SH3BGRL: variants seen among roughly 807,000 people sequenced by gnomAD.
SH3BGRL encodes adapter SH3BGRL.
A neutral mutation model predicts 9.8 loss-of-function variants in SH3BGRL; 7 were observed. The observed-to-expected ratio is 0.72, with a 90% CI of 0.41 to 1.35. The LOEUF (loss-of-function observed/expected upper bound fraction) is 1.35, where lower values mean the gene tolerates loss of function less well. Among genes scored for constraint, SH3BGRL ranks in the 40% most tolerant of loss-of-function variants. The probability of loss-of-function intolerance (pLI) is 0.01; values close to 1 mark genes in which losing one functional copy is unlikely to be tolerated. For missense variants in SH3BGRL, 73 were observed against 84.4 expected, an observed-to-expected ratio of 0.86 and a Z score of 0.53; for synonymous variants, 36 against 29.1, an observed-to-expected ratio of 1.24 and a Z score of -0.76.
intron 1 of SH3BGRL, among the ~76,000 whole-genome samples, chrX:81,275,002 C>G (rs1039088744): frequency 9.0e-6 from 1 of 110,968 alleles, no homozygotes; most frequent in African/African-American, 3.3e-5. Context: ...TCATTACTCT[C>G]CAACTGATGG....
At chrX:81,235,941 CCT>C (rs2075646590) in intron 1 of SH3BGRL, among the ~76,000 whole-genome samples, 1 of 111,729 alleles carries the variant, frequency 9.0e-6, no homozygotes, top group Admixed American at 9.5e-5. Context: ...AATTTCCTGA[CCT>C]CTCATCCACA....
chrX:81,261,074 C>T (rs2075739892), intron 1 of SH3BGRL, among the ~76,000 whole-genome samples: 2 of 111,109 alleles, frequency 1.8e-5, no homozygotes, highest in African/African-American at 6.5e-5. Context: ...AAAAGATTGT[C>T]GACCTTCTAT....
chrX:81,293,225 T>TC (rs2075863723), intron 3 of SH3BGRL, among the ~76,000 whole-genome samples: 1 of 111,944 alleles, frequency 8.9e-6, no homozygotes, highest in South Asian at 3.7e-4. Flanking sequence ...GCCTTTCTCC[T>TC]CCCCCATGAT....
At chrX:81,233,202 G>T (rs1309472886) in intron 1 of SH3BGRL, among the ~76,000 whole-genome samples, 2 of 111,853 alleles carry the variant, frequency 1.8e-5, no homozygotes, top group African/African-American at 3.2e-5. Flanking sequence ...ACTTTGAAAT[G>T]AATTTGTATT....
chrX:81,262,445 G>A (rs1323952147), intron 1 of SH3BGRL, among the ~76,000 whole-genome samples: 1 of 111,456 alleles, frequency 9.0e-6, no homozygotes, highest in Non-Finnish European at 1.9e-5. Flanking sequence ...CTTGACCTGA[G>A]GGACATTCTA....
intron 1 of SH3BGRL, among the ~76,000 whole-genome samples, chrX:81,251,015 C>A (rs1474967667): frequency 9.0e-6 from 1 of 111,655 alleles, no homozygotes; most frequent in East Asian, 2.8e-4. Context: ...TGTAAAAAAT[C>A]CTGCTGATTT....
intron 3 of SH3BGRL, among the ~76,000 whole-genome samples, chrX:81,290,592 G>A (rs1320899794): frequency 9.0e-6 from 1 of 110,826 alleles, no homozygotes; most frequent in African/African-American, 3.3e-5. Flanking sequence ...GGTAGTGGGT[G>A]ATTGAGAAGT....
chrX:81,256,649 T>G (rs764011231), intron 1 of SH3BGRL, among the ~76,000 whole-genome samples: 1 of 112,241 alleles, frequency 8.9e-6, no homozygotes, highest in Non-Finnish European at 1.9e-5. Context: ...GGAAAGTTAT[T>G]AGGCTTCATT....
chrX:81,264,342 C>T (rs1233700872), intron 1 of SH3BGRL, among the ~76,000 whole-genome samples: 1 of 111,209 alleles, frequency 9.0e-6, no homozygotes, highest in Non-Finnish European at 1.9e-5. Context: ...GATTTAAAGA[C>T]CATTAATAGC....
In SH3BGRL at chrX:81,297,626, CATT is replaced by C. The variant is rs1036451233; in HGVS notation, c.*401_*403del. 2.6e-5 allele frequency: 3 copies of C among 115,491 alleles called. No homozygotes were observed. The highest frequency in any genetic ancestry group is 9.7e-5 in the African/African-American group (3 of 30,899). 9.5% of individuals were successfully genotyped at this position (115,491 alleles called of 1,213,427 possible). A position where few individuals can be genotyped will look rare whatever the true frequency, so the allele number is the denominator to read the frequency against. The stretch of plus-strand genomic sequence containing the variant: ...CCTGTCTCTCATTCCTAAGTTGCCT[CATT>C]AATTTTCATGAACAAGAATATGTAC... On this transcript the variant is annotated 3_prime_UTR_variant, in exon 4 of 4. Coordinates refer to ENST00000373212, the MANE Select transcript of SH3BGRL (RefSeq NM_003022.3).
chrX:81,239,132 A>G (rs901932928), intron 1 of SH3BGRL, among the ~76,000 whole-genome samples: 4 of 112,265 alleles, frequency 3.6e-5, no homozygotes, highest in African/African-American at 1.3e-4. Context: ...AAGAACATCT[A>G]CTAGCATCAA....
chrX:81,295,898 T>C (rs1389934102), intron 3 of SH3BGRL, among the ~76,000 whole-genome samples: 2 of 111,750 alleles, frequency 1.8e-5, no homozygotes, highest in Non-Finnish European at 3.8e-5. Context: ...CTCCAAATTG[T>C]ACCAACCTTT....
intron 1 of SH3BGRL, among the ~76,000 whole-genome samples, chrX:81,219,408 C>T (rs745400170): frequency 3.6e-5 from 4 of 110,656 alleles, no homozygotes; most frequent in African/African-American, 1.3e-4. Context: ...TTCTTGATTT[C>T]TTTCTCAGAT....
intron 3 of SH3BGRL, among the ~76,000 whole-genome samples, chrX:81,283,502 G>A (rs2075824540): frequency 9.0e-6 from 1 of 111,514 alleles, no homozygotes; most frequent in South Asian, 3.7e-4. Context: ...AGGGATGCAG[G>A]GATGGTTTAA....
chrX:81,279,922 G>A lies in SH3BGRL; in HGVS notation c.312+1511G>A, dbSNP rs145675834. Among the ~76,000 whole-genome samples the A allele has an allele frequency of 3.3e-3, 370 of 111,548 alleles. 2 individuals are homozygous for A. Among genetic ancestry groups the A allele is most frequent in the African/African-American group, 0.011 (350 of 30,685 alleles). On this transcript the variant is annotated intron_variant, in intron 3 of 3. Coordinates refer to ENST00000373212, the MANE Select transcript of SH3BGRL (RefSeq NM_003022.3). ...CCCTTTTCTTTCGCAGCTGGGAGGTGGATAGCCTTGGGTGAATTTTTAAGC... is the reference window on the plus strand; with the variant it reads ...CCCTTTTCTTTCGCAGCTGGGAGGTAGATAGCCTTGGGTGAATTTTTAAGC...
intron 1 of SH3BGRL, among the ~76,000 whole-genome samples, chrX:81,204,002 G>A (rs957140511): frequency 2.7e-5 from 3 of 110,967 alleles, no homozygotes; most frequent in African/African-American, 6.6e-5. Flanking sequence ...GGTAGTGGGC[G>A]TAGTACCCAA....
At chrX:81,226,336 C>T (rs1434959889) in intron 1 of SH3BGRL, among the ~76,000 whole-genome samples, 1 of 108,944 alleles carries the variant, frequency 9.2e-6, no homozygotes, top group African/African-American at 3.3e-5. Context: ...AAAGATTGAA[C>T]GTTCCTAGTT....
At position 81,297,110 on chromosome X, in the gene SH3BGRL, G is replaced by A; in HGVS notation, c.313-85G>A. The A allele has an allele frequency of 1.0e-5, 8 of 777,058 alleles. No homozygotes were observed. The South Asian group carries it at 2.0e-4, about 19-fold the overall frequency. The allele number at this position is 777,058 out of a possible 1,213,427, so 64.0% of individuals were successfully genotyped here. On this transcript the variant is annotated intron_variant, in intron 3 of 3. Coordinates refer to ENST00000373212, the MANE Select transcript of SH3BGRL (RefSeq NM_003022.3). The stretch of plus-strand genomic sequence containing the variant: ...GGCTTTTGTTTATTCTTAGTAGTTG[G>A]AACTAATGTAGTCTGACTAAAATAC...
intron 1 of SH3BGRL, among the ~76,000 whole-genome samples, chrX:81,241,474 G>A (rs192455341): frequency 1.4e-4 from 16 of 111,771 alleles, no homozygotes; most frequent in African/African-American, 5.2e-4. Context: ...CCCACCCATG[G>A]CTCCCCATGG....
Sources: allele counts gnomAD v4.1 joint callset (sites outside exome capture counted in the v4.1 genomes callset), GRCh38; gene constraint gnomAD v4.1.1; transcripts MANE v1.5; gene names NCBI Gene and HGNC (gene_info 2026-07-23, HGNC 2026-07-21).